ZNF623: variants seen among roughly 807,000 people sequenced by gnomAD.
ZNF623 encodes the protein zinc finger protein 623.
In ZNF623, 16 loss-of-function variants were observed where a neutral mutation model predicts 24.0. The ratio of observed to expected loss-of-function variants is 0.67; its 90% CI spans 0.45 to 1.01. ZNF623 has a LOEUF of 1.01. Ranked by LOEUF, ZNF623 falls within the 50% of genes least tolerant of loss-of-function variation. The pLI is 0.00. For missense variants in ZNF623, 566 were observed against 606.5 expected (o/e 0.93, Z 0.70); for synonymous variants, 224 against 219.8 (o/e 1.02, Z -0.17).
chr8:143,646,073 ACT>A (rs1212843414), intron 1 of ZNF623, among the ~76,000 whole-genome samples: 1 of 151,856 alleles, frequency 6.6e-6, no homozygotes, highest in African/African-American at 2.4e-5. Context: ...ACAGGGTCTC[ACT>A]CTGTCACCTA....
At position 143,650,165 on chromosome 8, in the gene ZNF623, C is replaced by T; in HGVS notation, c.173C>T (p.Thr58Ile). 1.9e-6 allele frequency: 3 copies of T among 1,614,210 alleles called. No individual in the cohort carries two copies. Among genetic ancestry groups the T allele is most frequent in the Middle Eastern group, 1.6e-4 (1 of 6,062 alleles). ...IQTGETAQVC[T>I]KSGRNHILNS... ...ACAGGAGAGACAGCTCAAGTGTGCA[C>T]CAAGTCAGGAAGAAACCATATTCTG... is the stretch of plus-strand genomic sequence containing the variant. Residue 58 changes from threonine to isoleucine, a missense_variant, in exon 2 of 2, where the codon ACC (threonine) becomes ATC (isoleucine). By Grantham distance (89) the Thr-to-Ile change is moderately conservative (BLOSUM62 -1). Around this residue, in one of 3 missense-constraint regions of ZNF623, gnomAD observed 313 missense variants for 300.4 expected, o/e 1.04. Coordinates refer to ENST00000526926, the MANE Select transcript of ZNF623 (RefSeq NM_001261843.2). The surrounding 1 kb of genome is among the most constrained non-coding windows in gnomAD (Gnocchi z 5.2).
intron 1 of ZNF623, among the ~76,000 whole-genome samples, chr8:143,641,463 T>C (rs1815054542): frequency 1.9e-4 from 1 of 5,306 alleles, no homozygotes; most frequent in African/African-American, 2.0e-4. Context: ...TTTTTTTTTT[T>C]TTTTCTTTTT....
rs544257243 is a variant in ZNF623 at position 143,653,164 on chromosome 8, C to G, written c.*1681C>G. 1.9e-4 allele frequency: 31 copies of G among 167,142 alleles called. No individual in the cohort carries two copies. Among genetic ancestry groups the G allele is most frequent in the African/African-American group, 7.5e-4 (31 of 41,532 alleles). The allele number at this position is 167,142 out of a possible 1,614,324, so 10.4% of individuals were successfully genotyped here. Reference sequence around the variant, plus strand: ...TTGGCTAGGACTGTTCGAAAGCAGGCGAGGTAAATGGACAGTGGACAGCCG... The same window carrying G: ...TTGGCTAGGACTGTTCGAAAGCAGGGGAGGTAAATGGACAGTGGACAGCCG... On this transcript the variant is annotated 3_prime_UTR_variant, in exon 2 of 2. Coordinates refer to ENST00000526926, the MANE Select transcript of ZNF623 (RefSeq NM_001261843.2).
At chr8:143,648,541 T>G (rs1233144588) in intron 1 of ZNF623, among the ~76,000 whole-genome samples, 2 of 151,978 alleles carry the variant, frequency 1.3e-5, no homozygotes, top group Non-Finnish European at 2.9e-5. Context: ...GCCCATGACG[T>G]GCATTTTTCA....
At chr8:143,637,827 C>T (rs921635370) in intron 1 of ZNF623, among the ~76,000 whole-genome samples, 8 of 152,078 alleles carry the variant, frequency 5.3e-5, no homozygotes, top group Non-Finnish European at 1.0e-4. Flanking sequence ...GGATTACAGG[C>T]GTGAGCCACC....
At chr8:143,636,256 G>A (rs1814918235) in intron 1 of ZNF623, 111 bp downstream of exon 1, 1 of 152,120 alleles carries the variant, frequency 6.6e-6, no homozygotes, top group Non-Finnish European at 1.5e-5. Flanking sequence ...GCCGGGCGGG[G>A]TCCGCAGGCC....
At chr8:143,649,293 AAAAC>A (rs141231651) in intron 1 of ZNF623, among the ~76,000 whole-genome samples, 12,608 of 151,186 alleles carry the variant, frequency 0.083, 1,676 homozygotes, top group African/African-American at 0.29. Context: ...AAAAAAAACA[AAAAC>A]AAACAAAAAA....
chr8:143,645,270 T>C (rs1018375563), intron 1 of ZNF623, among the ~76,000 whole-genome samples: 2 of 152,072 alleles, frequency 1.3e-5, no homozygotes, highest in East Asian at 1.9e-4. Flanking sequence ...TGAAACCCCG[T>C]CTCTCCTAAA....
At position 143,650,235 on chromosome 8, in the gene ZNF623, A is replaced by C; in HGVS notation, c.243A>C (p.Glu81Asp). 6.2e-7 allele frequency: 1 copy of C among 1,614,232 alleles called. No individual in the cohort carries two copies. The change falls in exon 2 of 2, where the codon GAA (glutamate) becomes GAC (aspartate). Residue 81 changes from glutamate (E) to aspartate (D), a missense_variant. Physicochemically the swap from Glu to Asp is conservative, Grantham distance 45. This residue lies in a region of ZNF623 where 313 missense variants were observed against 300.4 expected (regional missense o/e 1.04). Transcript: ENST00000526926. The surrounding 1 kb of genome is among the most constrained non-coding windows in gnomAD (Gnocchi z 5.2). ...TTCAGAGAGAGCTCATAGAGGGGGA[A>C]GCCAATCCTTGCGATATCTGTGGCA... ...LLLQRELIEG[E>D]ANPCDICGKT...
In ZNF623 at chr8:143,651,660, G is replaced by C; in HGVS notation, c.*177G>C. On this transcript the variant is annotated 3_prime_UTR_variant, in exon 2 of 2. Transcript: ENST00000526926. The stretch of plus-strand genomic sequence containing the variant: ...CGGCTCAGCCCTTCTCCTCAGCTGT[G>C]AGCACTGTCCTCAGGAGAGTCACAG... The C allele has an allele frequency of 1.5e-6, 1 of 675,346 alleles. No homozygotes were observed. The highest frequency in any genetic ancestry group is 2.1e-5 in the South Asian group (1 of 47,232). The allele number at this position is 675,346 out of a possible 1,614,324, so 41.8% of individuals were successfully genotyped here. A position where few individuals can be genotyped will look rare whatever the true frequency, so the allele number is the denominator to read the frequency against.
intron 1 of ZNF623, among the ~76,000 whole-genome samples, chr8:143,644,525 C>T (rs1255629210): frequency 1.3e-5 from 2 of 152,140 alleles, no homozygotes; most frequent in Non-Finnish European, 1.5e-5. Context: ...TGAGGCGAGA[C>T]AGTCAGCCTT....
At chr8:143,640,710 G>A (rs572973036) in intron 1 of ZNF623, among the ~76,000 whole-genome samples, 1 of 152,224 alleles carries the variant, frequency 6.6e-6, no homozygotes, top group East Asian at 1.9e-4. Context: ...GGAGGCTGAG[G>A]CAGGTGGATC....
In ZNF623 at chr8:143,643,473, G is replaced by A. The variant is rs141018124; in HGVS notation, c.-95-6425G>A. Among the ~76,000 whole-genome samples the A allele has an allele frequency of 1.2e-3, 179 of 152,326 alleles. No individual in the cohort carries two copies. The Middle Eastern group carries it at 0.017, about 14-fold the overall frequency. ...ACTGGGCGGGTGGAGTCCCCTTCTTGGAAGCAGTTCCCAGAGTGAGGATTC... is the reference window on the plus strand; with the variant it reads ...ACTGGGCGGGTGGAGTCCCCTTCTTAGAAGCAGTTCCCAGAGTGAGGATTC... On this transcript the variant is annotated intron_variant, in intron 1 of 1. Transcript: ENST00000526926.
intron 1 of ZNF623, among the ~76,000 whole-genome samples, chr8:143,646,243 A>G (rs896772164): frequency 6.6e-5 from 10 of 152,106 alleles, no homozygotes; most frequent in Admixed American, 4.6e-4. Flanking sequence ...GAGTCTTGCT[A>G]TGTTGCCCAG....
chr8:143,645,723 T>G (rs1363261223), intron 1 of ZNF623, among the ~76,000 whole-genome samples: 1 of 152,146 alleles, frequency 6.6e-6, no homozygotes, highest in East Asian at 1.9e-4. Context: ...TGAATTGGGG[T>G]GTCTCCTTGG....
chr8:143,651,039 C>A lies in ZNF623; in HGVS notation c.1047C>A (p.Tyr349Ter). Residue 349 changes from tyrosine (Y) to a stop codon, truncating the protein, a stop_gained, in exon 2 of 2, where the codon TAC becomes TAA. Transcript: ENST00000526926. LOFTEE classifies it high-confidence loss of function. ...ECGKAFFLSSYLIRHQKIHTG... is the reference protein window; with the variant it reads ...ECGKAFFLSS ...GGAAAGCTTTCTTTCTGAGTTCATA[C>A]CTTATTCGACACCAGAAAATCCACA... 1.2e-6 allele frequency: 2 copies of A among 1,614,132 alleles called. No individual in the cohort carries two copies. Among genetic ancestry groups the A allele is most frequent in the South Asian group, 1.1e-5 (1 of 91,080 alleles).
intron 1 of ZNF623, among the ~76,000 whole-genome samples, chr8:143,637,644 G>C (rs989777054): frequency 2.6e-5 from 4 of 152,146 alleles, no homozygotes; most frequent in Admixed American, 1.3e-4. Context: ...CTGCCTCCCG[G>C]ATTCAAGTGA....
chr8:143,651,392 G>C lies in ZNF623; in HGVS notation c.1400G>C (p.Arg467Thr), dbSNP rs1271334116. Residue 467 changes from arginine to threonine, a missense_variant, in exon 2 of 2, where the codon AGG (arginine) becomes ACG (threonine). By Grantham distance (71) the Arg-to-Thr change is moderately conservative. This residue lies in a region of ZNF623 where 136 missense variants were observed against 131.9 expected (regional missense o/e 1.03). Transcript: ENST00000526926. ...ACTACAAACGTTAAAAATAATCAAA[G>C]GGTTCACCAAGAGGGACTCTCCTTG... ...NSTTNVKNNQ[R>T]VHQEGLSLSK... 2 of 1,614,146 alleles carry C rather than the reference G, an allele frequency of 1.2e-6. No individual in the cohort carries two copies. The highest frequency in any genetic ancestry group is 1.1e-5 in the South Asian group (1 of 91,064).
Position 143,636,109 on chromosome 8 carries a change from G to A in ZNF623, c.-132G>A, listed in dbSNP as rs1814912944. On this transcript the variant is annotated 5_prime_UTR_variant, in exon 1 of 2. Transcript: ENST00000526926. Reference sequence around the variant, plus strand: ...GGCGGGGTCCAGTCAGCGGCTGCAGGGTCGGGCTCGCGCCGTCCTCTCCCC... The same window carrying A: ...GGCGGGGTCCAGTCAGCGGCTGCAGAGTCGGGCTCGCGCCGTCCTCTCCCC... The A allele has an allele frequency of 6.6e-6, 1 of 152,204 alleles. No individual in the cohort carries two copies. Among genetic ancestry groups the A allele is most frequent in the Admixed American group, 6.5e-5 (1 of 15,278 alleles). The allele number at this position is 152,204 out of a possible 1,614,324, so 9.4% of individuals were successfully genotyped here. A position where few individuals can be genotyped will look rare whatever the true frequency, so the allele number is the denominator to read the frequency against.
Sources: allele counts gnomAD v4.1 joint callset (sites outside exome capture counted in the v4.1 genomes callset), GRCh38; gene constraint gnomAD v4.1.1; regional missense constraint gnomAD v4.1.1; non-coding constraint Gnocchi (gnomAD v3.1); transcripts MANE v1.5; gene names NCBI Gene and HGNC (gene_info 2026-07-23, HGNC 2026-07-21).